SGCZ: variants seen among roughly 807,000 people sequenced by gnomAD.
SGCZ encodes the protein zeta-sarcoglycan.
In SGCZ, 40 loss-of-function variants were observed where a neutral mutation model predicts 41.3. The ratio of observed to expected loss-of-function variants is 0.97; its 90% CI spans 0.75 to 1.26. The LOEUF is 1.26. Among genes scored for constraint, SGCZ ranks in the 50% most tolerant of loss-of-function variants. The probability of loss-of-function intolerance (pLI) is 0.00; values close to 1 mark genes in which losing one functional copy is unlikely to be tolerated. For missense variants in SGCZ, 552 were observed against 369.8 expected, an observed-to-expected ratio of 1.49 and a Z score of -4.04; for synonymous variants, 206 against 137.5, an observed-to-expected ratio of 1.50 and a Z score of -3.49.
intron 1 of SGCZ, among the ~76,000 whole-genome samples, chr8:14,771,245 T>C (rs2130393322): frequency 6.6e-6 from 1 of 152,290 alleles, no homozygotes; most frequent in South Asian, 2.1e-4. Flanking sequence ...TGTGTGTTTA[T>C]ATACCTCTGT....
intron 1 of SGCZ, among the ~76,000 whole-genome samples, chr8:14,602,960 A>G (rs528562851): frequency 2.6e-5 from 4 of 152,326 alleles, no homozygotes; most frequent in Admixed American, 2.6e-4. Flanking sequence ...GGGAAATCAT[A>G]CACTAGGCAT....
chr8:14,274,995 G>T (rs1013330095), intron 3 of SGCZ, among the ~76,000 whole-genome samples: 1 of 152,060 alleles, frequency 6.6e-6, no homozygotes, highest in Non-Finnish European at 1.5e-5. Context: ...ATATACCCAA[G>T]AAATATTATT....
At chr8:14,309,474 C>G (rs1801456091) in intron 3 of SGCZ, 1 of 1,607,004 alleles carries the variant, frequency 6.2e-7, no homozygotes, top group African/African-American at 1.3e-5. Context: ...GTATGTGGCG[C>G]TGTTGTTAAT....
intron 1 of SGCZ, among the ~76,000 whole-genome samples, chr8:15,135,853 A>C (rs1808083165): frequency 6.6e-6 from 1 of 152,182 alleles, no homozygotes; most frequent in South Asian, 2.1e-4. Flanking sequence ...CTCCTTGAGG[A>C]GCAGGGCTAC....
At chr8:14,932,697 C>T (rs1301807337) in intron 1 of SGCZ, among the ~76,000 whole-genome samples, 2 of 152,038 alleles carry the variant, frequency 1.3e-5, no homozygotes, top group East Asian at 3.9e-4. Flanking sequence ...AGAGAGCCCA[C>T]ATGACCTTCA....
intron 1 of SGCZ, among the ~76,000 whole-genome samples, chr8:14,925,048 G>C (rs914371390): frequency 6.6e-6 from 1 of 151,942 alleles, no homozygotes; most frequent in African/African-American, 2.4e-5. Context: ...AGTAGAGCCA[G>C]GGTTTCACCG....
At chr8:15,005,208 G>T (rs1448226819) in intron 1 of SGCZ, among the ~76,000 whole-genome samples, 1 of 152,068 alleles carries the variant, frequency 6.6e-6, no homozygotes, top group Non-Finnish European at 1.5e-5. Flanking sequence ...AAGTTCAAAA[G>T]GCATGGTACC....
At chr8:15,220,004 C>G (rs1801538659) in intron 1 of SGCZ, among the ~76,000 whole-genome samples, 2 of 152,160 alleles carry the variant, frequency 1.3e-5, no homozygotes, top group South Asian at 2.1e-4. Context: ...AAATGGTACA[C>G]AAATTGTTCT....
At chr8:14,528,906 T>C (rs1803040678) in intron 2 of SGCZ, among the ~76,000 whole-genome samples, 1 of 151,394 alleles carries the variant, frequency 6.6e-6, no homozygotes, top group South Asian at 2.1e-4. Context: ...TTTTTTCATA[T>C]TTAGAAGGGA....
intron 1 of SGCZ, among the ~76,000 whole-genome samples, chr8:15,078,599 G>A (rs1158672720): frequency 1.3e-5 from 2 of 151,966 alleles, no homozygotes; most frequent in Non-Finnish European, 2.9e-5. Context: ...TTAATAGGAT[G>A]TTTGGTCTGT....
At chr8:14,708,104 T>G (rs1392675723) in intron 1 of SGCZ, among the ~76,000 whole-genome samples, 1 of 152,004 alleles carries the variant, frequency 6.6e-6, no homozygotes, top group African/African-American at 2.4e-5. Flanking sequence ...TCAAGTTAAT[T>G]TTTCTATAAA....
At chr8:14,678,411 A>T (rs186927966) in intron 1 of SGCZ, among the ~76,000 whole-genome samples, 1 of 152,352 alleles carries the variant, frequency 6.6e-6, no homozygotes, top group Admixed American at 6.5e-5. Context: ...AAGATGTACC[A>T]ATGGTAAATA....
chr8:15,018,568 C>G (rs1803130356), intron 1 of SGCZ, among the ~76,000 whole-genome samples: 1 of 152,020 alleles, frequency 6.6e-6, no homozygotes, highest in African/African-American at 2.4e-5. Flanking sequence ...GCAAAGGCCC[C>G]CAACTCAAGA....
intron 2 of SGCZ, among the ~76,000 whole-genome samples, chr8:14,393,542 A>C (rs1804862919): frequency 6.6e-6 from 1 of 152,162 alleles, no homozygotes; most frequent in South Asian, 2.1e-4. Context: ...TGTGAGCCCT[A>C]TGTAAATCAG....
intron 1 of SGCZ, among the ~76,000 whole-genome samples, chr8:14,562,060 G>A (rs1210266426): frequency 6.6e-6 from 1 of 152,014 alleles, no homozygotes; most frequent in Non-Finnish European, 1.5e-5. Context: ...AGAGAATTCT[G>A]GTGACTTCTA....
At chr8:14,128,708 T>C (rs1402996682) in intron 5 of SGCZ, among the ~76,000 whole-genome samples, 2 of 151,836 alleles carry the variant, frequency 1.3e-5, no homozygotes, top group African/African-American at 2.4e-5. Context: ...TGTGTGTGTA[T>C]ATATACATAT....
intron 1 of SGCZ, among the ~76,000 whole-genome samples, chr8:15,166,012 A>G (rs984906981): frequency 1.3e-5 from 2 of 152,218 alleles, no homozygotes; most frequent in Non-Finnish European, 1.5e-5. Context: ...GGCAAAATAA[A>G]TAATTTATGG....
At chr8:14,470,759 C>G (rs1233854931) in intron 2 of SGCZ, among the ~76,000 whole-genome samples, 1 of 152,118 alleles carries the variant, frequency 6.6e-6, no homozygotes, top group Non-Finnish European at 1.5e-5. Context: ...TATGAAATCA[C>G]TCTCTTGGAA....
intron 2 of SGCZ, among the ~76,000 whole-genome samples, chr8:14,470,552 T>A (rs547888629): frequency 6.6e-6 from 1 of 152,106 alleles, no homozygotes; most frequent in East Asian, 1.9e-4. Context: ...CTAACCCCAG[T>A]TTTCTTGGAG....
Sources: gnomAD v4.1 joint callset for allele counts (sites outside exome capture counted in the v4.1 genomes callset) on GRCh38, gnomAD v4.1.1 for gene constraint, MANE v1.5 for transcripts, NCBI Gene and HGNC (gene_info 2026-07-23, HGNC 2026-07-21) for gene names.